The following NCAM2 variants were observed in gnomAD, a reference collection of about 807,000 sequenced individuals.
The protein encoded by NCAM2 is neural cell adhesion molecule 2.
NCAM2 carries 30 observed loss-of-function variants against 98.1 expected under a neutral mutation model. The ratio of observed to expected loss-of-function variants is 0.31; its 90% CI spans 0.23 to 0.41. NCAM2 has a LOEUF of 0.41. Ranked by LOEUF, NCAM2 falls within the 10% of genes least tolerant of loss-of-function variation. NCAM2 has a pLI of 1.00. For synonymous variants in NCAM2, 368 were observed against 342.4 expected (o/e 1.07, Z -0.83); for missense variants, 867 against 1,005.8 (o/e 0.86, Z 1.87).
At chr21:21,331,599 AGAGT>A (rs1204727538) in intron 6 of NCAM2, among the ~76,000 whole-genome samples, 7 of 34,628 alleles carry the variant, frequency 2.0e-4, no homozygotes, top group Non-Finnish European at 3.1e-4. Flanking sequence ...AGAGAGAGAG[AGAGT>A]GAGAGAGAGA....
In NCAM2 at chr21:21,120,580, C is replaced by G. The variant is rs78109665; in HGVS notation, c.55+121962C>G. Among the ~76,000 whole-genome samples, 637 of 151,926 alleles carry G rather than the reference C, an allele frequency of 4.2e-3. 6 individuals carry two copies. Among genetic ancestry groups the G allele is most frequent in the African/African-American group, 0.014 (597 of 41,426 alleles). On this transcript the variant is annotated intron_variant, in intron 1 of 17. Transcript: ENST00000400546. ...GGGGGACGCTGCTTCGGCAGAGCCC[C>G]TGAAATGAAAAAGGAGCCTGTTTGT...
intron 8 of NCAM2, among the ~76,000 whole-genome samples, chr21:21,345,214 G>A (rs987345641): frequency 6.6e-6 from 1 of 152,012 alleles, no homozygotes; most frequent in African/African-American, 2.4e-5. Flanking sequence ...TTAATACCCA[G>A]ACACTGAAGA....
intron 1 of NCAM2, among the ~76,000 whole-genome samples, chr21:21,032,902 G>A (rs1233653743): frequency 6.6e-6 from 1 of 151,570 alleles, no homozygotes; most frequent in East Asian, 1.9e-4. Flanking sequence ...GTTTCTGGTA[G>A]CAAATTTAAT....
intron 1 of NCAM2, among the ~76,000 whole-genome samples, chr21:21,106,219 G>A (rs2066342139): frequency 6.7e-6 from 1 of 149,888 alleles, no homozygotes; most frequent in African/African-American, 2.5e-5. Context: ...GAACTGGGAA[G>A]ATCACCTGAG....
intron 1 of NCAM2, among the ~76,000 whole-genome samples, chr21:21,204,519 T>G (rs1460648446): frequency 1.3e-5 from 2 of 152,172 alleles, no homozygotes; most frequent in Non-Finnish European, 2.9e-5. Context: ...AAACTTGTTA[T>G]GCTTTTTAAG....
intron 8 of NCAM2, among the ~76,000 whole-genome samples, chr21:21,350,515 G>A (rs1162885789): frequency 6.6e-6 from 1 of 152,044 alleles, no homozygotes; most frequent in Non-Finnish European, 1.5e-5. Flanking sequence ...ATATTCTACT[G>A]GTTTCTGATG....
At chr21:21,017,220 A>T (rs1009494809) in intron 1 of NCAM2, among the ~76,000 whole-genome samples, 9 of 151,390 alleles carry the variant, frequency 5.9e-5, no homozygotes, top group Non-Finnish European at 1.3e-4. Context: ...GGTTAGAGAG[A>T]TCTAGACCAT....
In NCAM2 at chr21:21,335,653, C is replaced by G. The variant is rs754940001; in HGVS notation, c.886C>G (p.Leu296Val). ...KAGEDEKQAF[L>V]QVFVQPHIIQ... ...AGGAGAAGATGAAAAGCAAGCTTTC[C>G]TCCAAGTCTTTGGTAAGTATTATAG... The change falls in exon 7 of 18, where the codon CTC becomes GTC. Residue 296 changes from leucine to valine, a missense_variant. Leu to Val is a conservative substitution (Grantham distance 32). This residue lies in a region of NCAM2 where 447 missense variants were observed against 495.7 expected (regional missense o/e 0.90). Transcript: ENST00000400546. The G allele has an allele frequency of 1.2e-6, 2 of 1,605,350 alleles. No homozygotes were observed. The highest frequency in any genetic ancestry group is 3.4e-5 in the Admixed American group (2 of 58,458).
intron 8 of NCAM2, among the ~76,000 whole-genome samples, chr21:21,355,026 A>G (rs2075433966): frequency 6.6e-6 from 1 of 152,194 alleles, no homozygotes; most frequent in African/African-American, 2.4e-5. Flanking sequence ...TATTGAGAAA[A>G]TGTGTCTTTC....
At chr21:21,275,364 T>C (rs951735204) in intron 1 of NCAM2, among the ~76,000 whole-genome samples, 308 of 151,588 alleles carry the variant, frequency 2.0e-3, no homozygotes, top group African/African-American at 7.1e-3. Context: ...GGCGTGAACC[T>C]GGGAGGCGGA....
At chr21:21,479,468 C>A (rs1476215548) in intron 15 of NCAM2, among the ~76,000 whole-genome samples, 3 of 150,752 alleles carry the variant, frequency 2.0e-5, no homozygotes, top group Non-Finnish European at 4.4e-5. Context: ...CCTGTAGTCC[C>A]AGCTACTCTA....
intron 8 of NCAM2, among the ~76,000 whole-genome samples, chr21:21,364,760 A>G (rs1190732698): frequency 2.0e-5 from 3 of 152,132 alleles, no homozygotes; most frequent in Non-Finnish European, 2.9e-5. Flanking sequence ...GTGTTCTATA[A>G]CATAAGAAAT....
rs75973494 is a variant in NCAM2 at position 21,538,323 on chromosome 21, G to A, written c.*366G>A. Reference sequence around the variant, plus strand: ...AATATAGGGGTTAAGGAAAAAAAACGTGAGCTACATGTGTAAGAAGGCCCT... The same window carrying A: ...AATATAGGGGTTAAGGAAAAAAAACATGAGCTACATGTGTAAGAAGGCCCT... On this transcript the variant is annotated 3_prime_UTR_variant, in exon 18 of 18. Coordinates refer to ENST00000400546, the MANE Select transcript of NCAM2 (RefSeq NM_004540.5). The A allele has an allele frequency of 1.3e-5, 2 of 153,710 alleles. No homozygotes were observed. Among genetic ancestry groups the A allele is most frequent in the Non-Finnish European group, 2.9e-5 (2 of 69,002 alleles). 9.5% of individuals were successfully genotyped at this position (153,710 alleles called of 1,614,324 possible).
At position 21,541,333 on chromosome 21, in the gene NCAM2, GTAAT is replaced by G. The variant is rs1398696934; in HGVS notation, c.*3380_*3383del. ...AATGATGCTGTCTTATTTACAGTCA[GTAAT>G]TAAGTTCAATTCAAACTATTTTACC... is the stretch of plus-strand genomic sequence containing the variant. On this transcript the variant is annotated 3_prime_UTR_variant, in exon 18 of 18. Transcript: ENST00000400546. 1.3e-5 allele frequency: 2 copies of G among 151,510 alleles called. No individual in the cohort carries two copies. The highest frequency in any genetic ancestry group is 6.6e-5 in the Admixed American group (1 of 15,196). 9.4% of individuals were successfully genotyped at this position (151,510 alleles called of 1,614,324 possible).
intron 8 of NCAM2, among the ~76,000 whole-genome samples, chr21:21,352,842 A>G (rs2075379337): frequency 6.9e-6 from 1 of 144,214 alleles, no homozygotes; most frequent in African/African-American, 2.5e-5. Flanking sequence ...AAAAAAAAAA[A>G]GAAAGTGTTT....
At chr21:21,296,619 C>A (rs2826777) in intron 5 of NCAM2, among the ~76,000 whole-genome samples, 99,297 of 151,270 alleles carry the variant, frequency 0.66, 33,256 homozygotes, top group Non-Finnish European at 0.74. Flanking sequence ...CATTGAGAAG[C>A]AAGTAATCCA....
At chr21:21,437,117 G>C (rs1024506679) in intron 12 of NCAM2, among the ~76,000 whole-genome samples, 9 of 152,022 alleles carry the variant, frequency 5.9e-5, no homozygotes, top group Non-Finnish European at 8.8e-5. Context: ...AAGTGTTTAT[G>C]AGAGATTAAC....
At chr21:21,319,294 G>T (rs2074307494) in intron 5 of NCAM2, among the ~76,000 whole-genome samples, 1 of 152,228 alleles carries the variant, frequency 6.6e-6, no homozygotes, top group East Asian at 1.9e-4. Context: ...ACTATCTGAG[G>T]GAGTTCCTAG....
intron 1 of NCAM2, among the ~76,000 whole-genome samples, chr21:21,079,222 T>C (rs183982121): frequency 2.7e-5 from 4 of 149,156 alleles, no homozygotes; most frequent in Non-Finnish European, 4.4e-5. Context: ...AAACAAAACG[T>C]TTCTTTTGAA....
Sources: gnomAD v4.1 joint callset for allele counts (sites outside exome capture counted in the v4.1 genomes callset) on GRCh38, gnomAD v4.1.1 for gene constraint, gnomAD v4.1.1 regional missense constraint, MANE v1.5 for transcripts, NCBI Gene and HGNC (gene_info 2026-07-23, HGNC 2026-07-21) for gene names.